Variants in STK10 observed in about 807,000 individuals in gnomAD.
STK10 encodes the protein serine/threonine kinase 10.
STK10 carries 78 observed loss-of-function variants against 113.8 expected under a neutral mutation model. That is an observed-to-expected ratio of 0.69 (90% CI 0.57 to 0.83). The LOEUF (loss-of-function observed/expected upper bound fraction) is 0.83, where lower values mean the gene tolerates loss of function less well. STK10 is among the 40% of genes least tolerant of loss of function. STK10 has a pLI of 0.00. For missense variants in STK10, 1,109 were observed against 1,280.1 expected (o/e 0.87, Z 2.04); for synonymous variants, 465 against 494.7 (o/e 0.94, Z 0.80).
intron 4 of STK10, among the ~76,000 whole-genome samples, 197 bp downstream of exon 4, chr5:172,117,279 AAAAAT>A (rs1769408308): frequency 6.6e-6 from 1 of 152,202 alleles, no homozygotes; most frequent in Non-Finnish European, 1.5e-5. Context: ...ACTGCCTCAA[AAAAAT>A]AAAATAAAAT....
intron 1 of STK10, among the ~76,000 whole-genome samples, chr5:172,169,427 G>A (rs975320461): frequency 6.6e-6 from 1 of 152,108 alleles, no homozygotes; most frequent in East Asian, 1.9e-4. Context: ...AGGGGCTGGA[G>A]GAATGGATGG....
intron 1 of STK10, among the ~76,000 whole-genome samples, chr5:172,183,292 T>C (rs138500009): frequency 6.6e-6 from 1 of 152,300 alleles, no homozygotes; most frequent in East Asian, 1.9e-4. Context: ...GTCCACATTG[T>C]GTGCATGAGT....
intron 12 of STK10, among the ~76,000 whole-genome samples, chr5:172,068,918 T>A (rs1581139376): frequency 6.6e-6 from 1 of 151,606 alleles, no homozygotes; most frequent in East Asian, 1.9e-4. Context: ...ACGTGACAAT[T>A]ATAACAAAAT....
intron 2 of STK10, among the ~76,000 whole-genome samples, chr5:172,151,800 A>C (rs1770239785): frequency 6.6e-6 from 1 of 152,090 alleles, no homozygotes; most frequent in African/African-American, 2.4e-5. Context: ...GGGGCCTTCC[A>C]CTTAGTAGCT....
In STK10 at chr5:172,105,593, G is replaced by A. The variant is rs11954125; in HGVS notation, c.870+63C>T. The A allele has an allele frequency of 6.9e-3, 10,712 of 1,557,416 alleles. 576 individuals are homozygous for A. The African/African-American group carries it at 0.12, about 18-fold the overall frequency. ...GGGTGAGAACATGCCCAGCGTCCAG[G>A]TCACTGGTGAGTTCATTAGGCTCCA... On this transcript the variant is annotated intron_variant, in intron 7 of 18. Coordinates refer to ENST00000176763, the MANE Select transcript of STK10 (RefSeq NM_005990.4).
At chr5:172,146,248 T>G (rs1770085696) in intron 2 of STK10, among the ~76,000 whole-genome samples, 1 of 152,062 alleles carries the variant, frequency 6.6e-6, no homozygotes, top group African/African-American at 2.4e-5. Context: ...GGTGAGTGAA[T>G]GAATGACTGA....
intron 2 of STK10, among the ~76,000 whole-genome samples, chr5:172,149,937 C>T (rs1238109581): frequency 2.0e-5 from 3 of 150,120 alleles, no homozygotes; most frequent in African/African-American, 7.4e-5. Flanking sequence ...ATCCCAGCTA[C>T]TCGGGAGGCT....
chr5:172,049,237 G>C (rs1767572944), intron 18 of STK10, among the ~76,000 whole-genome samples: 1 of 152,152 alleles, frequency 6.6e-6, no homozygotes, highest in South Asian at 2.1e-4. Flanking sequence ...AATATGTGTT[G>C]CATTAATACA....
intron 12 of STK10, among the ~76,000 whole-genome samples, chr5:172,075,267 C>T (rs1308398248): frequency 6.6e-6 from 1 of 151,704 alleles, no homozygotes; most frequent in Non-Finnish European, 1.5e-5. Flanking sequence ...CAAAATACAA[C>T]ATATTTGAGA....
In STK10 at chr5:172,100,827, C is replaced by T. The variant is rs554879719; in HGVS notation, c.871-4267G>A. The stretch of plus-strand genomic sequence containing the variant: ...AAGAATAAAAACACCTAATAATGCT[C>T]GCAGTTTTCAGGCGCTGGCATCTCT... On this transcript the variant is annotated intron_variant, in intron 7 of 18. Transcript: ENST00000176763. Among the ~76,000 whole-genome samples, 6 of 152,234 alleles carry T rather than the reference C, an allele frequency of 3.9e-5. No individual in the cohort carries two copies. In the South Asian group the frequency reaches 1.0e-3, roughly 26 times the overall value.
At chr5:172,057,280 A>T in intron 15 of STK10, 69 bp downstream of exon 15, 1 of 1,542,546 alleles carries the variant, frequency 6.5e-7, no homozygotes, top group Non-Finnish European at 8.7e-7. Flanking sequence ...GCCCCATCAC[A>T]TACAGCCTCA....
At chr5:172,076,149 T>C (rs1421661318) in intron 12 of STK10, among the ~76,000 whole-genome samples, 2 of 150,692 alleles carry the variant, frequency 1.3e-5, no homozygotes, top group African/African-American at 4.9e-5. Flanking sequence ...GGGGCTGTCC[T>C]GTGCATTTGT....
intron 12 of STK10, among the ~76,000 whole-genome samples, chr5:172,081,350 C>A (rs1418869489): frequency 8.5e-6 from 1 of 117,368 alleles, no homozygotes; most frequent in Non-Finnish European, 1.8e-5. Flanking sequence ...GACTCCATCT[C>A]CAAAAAAAAA....
At chr5:172,050,399 A>G (rs1341863384) in intron 18 of STK10, among the ~76,000 whole-genome samples, 1 of 152,188 alleles carries the variant, frequency 6.6e-6, no homozygotes, top group African/African-American at 2.4e-5. Flanking sequence ...TTTTGATTAA[A>G]AAACAACTCA....
At chr5:172,137,684 T>C (rs575685500) in intron 2 of STK10, among the ~76,000 whole-genome samples, 13 of 144,440 alleles carry the variant, frequency 9.0e-5, no homozygotes, top group Middle Eastern at 3.6e-3. Context: ...ATCGAGACCA[T>C]CCTGGCTAAC....
intron 2 of STK10, among the ~76,000 whole-genome samples, chr5:172,144,678 A>G (rs1212664906): frequency 2.0e-5 from 3 of 152,032 alleles, no homozygotes; most frequent in African/African-American, 7.2e-5. Flanking sequence ...AAGCCTGGGG[A>G]AGGAATTAGG....
chr5:172,042,682 A>G lies in STK10; in HGVS notation c.*2200T>C, dbSNP rs1335483110. ...GCTAGTTCATGTTTCCCCAGCACCA[A>G]TGCACCAAAGAGAATAAAAGGAGAC... On this transcript the variant is annotated 3_prime_UTR_variant, in exon 19 of 19. Transcript: ENST00000176763. 4 of 152,188 alleles carry G rather than the reference A, an allele frequency of 2.6e-5. No homozygotes were observed. The highest frequency in any genetic ancestry group is 5.9e-5 in the Non-Finnish European group (4 of 68,034). The allele number at this position is 152,188 out of a possible 1,614,324, so 9.4% of individuals were successfully genotyped here.
intron 16 of STK10, among the ~76,000 whole-genome samples, chr5:172,055,007 G>A (rs1006775601): frequency 2.0e-5 from 3 of 152,208 alleles, no homozygotes; most frequent in Non-Finnish European, 2.9e-5. Context: ...ACAGGATGTG[G>A]GGAAGCTGGC....
At chr5:172,063,185 G>A (rs912377408) in intron 13 of STK10, among the ~76,000 whole-genome samples, 2 of 151,996 alleles carry the variant, frequency 1.3e-5, no homozygotes, top group Non-Finnish European at 2.9e-5. Context: ...AGGAGGCAGA[G>A]GTTGCAGTGA....
Sources: allele counts gnomAD v4.1 joint callset (sites outside exome capture counted in the v4.1 genomes callset), GRCh38; gene constraint gnomAD v4.1.1; transcripts MANE v1.5; gene names NCBI Gene and HGNC (gene_info 2026-07-23, HGNC 2026-07-21).